ADGRG5: variants seen among roughly 807,000 people sequenced by gnomAD.
ADGRG5 encodes adhesion G protein-coupled receptor G5.
A neutral mutation model predicts 53.2 loss-of-function variants in ADGRG5; 37 were observed. That is an observed-to-expected ratio of 0.70 (90% CI 0.53 to 0.91). The LOEUF is 0.91. ADGRG5 is among the 40% of genes least tolerant of loss of function. ADGRG5 has a pLI of 0.00. For synonymous variants in ADGRG5, 277 were observed against 290.4 expected (o/e 0.95, Z 0.47); for missense variants, 614 against 675.8 (o/e 0.91, Z 1.01).
intron 7 of ADGRG5, 100 bp from the exon 8 acceptor site, chr16:57,567,370 A>G: frequency 7.4e-7 from 1 of 1,350,976 alleles, no homozygotes; most frequent in Non-Finnish European, 1.0e-6. Flanking sequence ...CTTGTGGGGA[A>G]GGGGACTTGG....
At chr16:57,546,764 G>C (rs1429625040) in intron 1 of ADGRG5, among the ~76,000 whole-genome samples, 1 of 152,076 alleles carries the variant, frequency 6.6e-6, no homozygotes, top group East Asian at 1.9e-4. Context: ...TGTCACCCAG[G>C]CTGGAGTGCA....
the ADGRG5 span, among the ~76,000 whole-genome samples, chr16:57,535,152 C>T: frequency 6.6e-6 from 1 of 152,222 alleles, no homozygotes. Context: ...TGAATAAGTG[C>T]AGGGCCCAAG....
At position 57,575,590 on chromosome 16, in the gene ADGRG5, A is replaced by G. The variant is rs779417035; in HGVS notation, c.*52A>G. 7.0e-7 allele frequency: 1 copy of G among 1,433,632 alleles called. No individual in the cohort carries two copies. Among genetic ancestry groups the G allele is most frequent in the East Asian group, 2.3e-5 (1 of 43,842 alleles). The allele number at this position is 1,433,632 out of a possible 1,614,324, so 88.8% of individuals were successfully genotyped here. ...AGCCTCTCTGGCCGCCAGTAGCCTG[A>G]GGCTACGGCTCCTGCTAGAGAGGGT... On this transcript the variant is annotated 3_prime_UTR_variant, in exon 12 of 12. Transcript: ENST00000349457.
chr16:57,537,029 T>C, the ADGRG5 span, among the ~76,000 whole-genome samples: 1 of 151,834 alleles, frequency 6.6e-6, no homozygotes, highest in Non-Finnish European at 1.5e-5. Flanking sequence ...CCATCGGGCC[T>C]CAGTTTCTCT....
At chr16:57,529,210 G>T in the ADGRG5 span, 1 of 1,159,474 alleles carries the variant, frequency 8.6e-7, no homozygotes, top group Non-Finnish European at 1.1e-6. The surrounding 1 kb of genome is among the most constrained non-coding windows in gnomAD (Gnocchi z 4.1). Context: ...GCTCGAACTC[G>T]CGGTCGGGCT....
At chr16:57,540,106 G>C (rs2032468061), upstream of ADGRG5, among the ~76,000 whole-genome samples, 1 of 152,068 alleles carries the variant, frequency 6.6e-6, no homozygotes, top group Non-Finnish European at 1.5e-5. Flanking sequence ...CGCTGGGCGT[G>C]GTGGTGTGCA....
chr16:57,565,011 C>T, intron 5 of ADGRG5, 23 bp from the exon 6 acceptor site: 3 of 1,468,140 alleles, frequency 2.0e-6, no homozygotes, highest in Non-Finnish European at 2.9e-6. Context: ...CTCCACTCAG[C>T]CCTTCTCCTG....
chr16:57,540,270 AAAG>A (rs1157942331), upstream of ADGRG5, among the ~76,000 whole-genome samples: 1 of 151,514 alleles, frequency 6.6e-6, no homozygotes, highest in Admixed American at 6.6e-5. Context: ...ACAAAAAACA[AAAG>A]AAACAGTTTA....
intron 5 of ADGRG5, among the ~76,000 whole-genome samples, chr16:57,564,495 T>A (rs1326537552): frequency 6.6e-6 from 1 of 152,054 alleles, no homozygotes; most frequent in Non-Finnish European, 1.5e-5. Context: ...AGAGACCGGG[T>A]TTAACCACGT....
the ADGRG5 span, among the ~76,000 whole-genome samples, chr16:57,536,040 C>T: frequency 4.6e-5 from 7 of 152,200 alleles, no homozygotes; most frequent in Non-Finnish European, 8.8e-5. Context: ...GTTCCCGGCC[C>T]GCGCCGCGCG....
At chr16:57,551,449 T>C (rs1463524586) in intron 1 of ADGRG5, among the ~76,000 whole-genome samples, 2 of 152,222 alleles carry the variant, frequency 1.3e-5, no homozygotes, top group African/African-American at 4.8e-5. Flanking sequence ...TTGTTGTCAT[T>C]TCCACAGTGT....
intron 1 of ADGRG5, among the ~76,000 whole-genome samples, chr16:57,556,595 C>A (rs1215301718): frequency 3.9e-5 from 6 of 152,206 alleles, no homozygotes; most frequent in African/African-American, 1.4e-4. Context: ...CCAAATACTT[C>A]CATTTCCTCT....
chr16:57,562,864 A>T (rs1295065085), intron 3 of ADGRG5, among the ~76,000 whole-genome samples: 1 of 152,124 alleles, frequency 6.6e-6, no homozygotes, highest in African/African-American at 2.4e-5. Context: ...GGCTTCCTGG[A>T]GGAGGTGACA....
chr16:57,575,738 G>C lies in ADGRG5; in HGVS notation c.*200G>C. On this transcript the variant is annotated 3_prime_UTR_variant, in exon 12 of 12. Transcript: ENST00000349457. ...TACCTCTCCCTGACATTTTGCTCCG[G>C]GGCAGATCCAACCTTACCTGGGGCA... 1.8e-6 allele frequency: 1 copy of C among 564,858 alleles called. No homozygotes were observed. The highest frequency in any genetic ancestry group is 3.2e-6 in the Non-Finnish European group (1 of 314,946). 35.0% of individuals were successfully genotyped at this position (564,858 alleles called of 1,614,324 possible).
At chr16:57,556,309 A>G (rs1304471218) in intron 1 of ADGRG5, among the ~76,000 whole-genome samples, 3 of 152,128 alleles carry the variant, frequency 2.0e-5, no homozygotes, top group African/African-American at 7.2e-5. Flanking sequence ...GCTTAATGTA[A>G]TTATTTATAT....
At chr16:57,544,836 C>T (rs1372532321) in intron 1 of ADGRG5, among the ~76,000 whole-genome samples, 4 of 152,056 alleles carry the variant, frequency 2.6e-5, no homozygotes, top group African/African-American at 4.8e-5. Flanking sequence ...TCACCCAGGC[C>T]GGAGTGCAGT....
upstream of ADGRG5, among the ~76,000 whole-genome samples, chr16:57,541,228 G>A (rs1251554084): frequency 6.6e-6 from 1 of 152,180 alleles, no homozygotes; most frequent in Non-Finnish European, 1.5e-5. Context: ...AGGCTAGAGG[G>A]GCTATGGGGT....
chr16:57,571,676 A>G (rs1452662514), intron 10 of ADGRG5, among the ~76,000 whole-genome samples: 14 of 129,896 alleles, frequency 1.1e-4, no homozygotes, highest in African/African-American at 4.1e-4. Flanking sequence ...TTTTTTTGAG[A>G]TGGAGTTTCG....
chr16:57,554,666 A>G (rs141987099), intron 1 of ADGRG5, among the ~76,000 whole-genome samples: 4,541 of 152,200 alleles, frequency 0.03, 201 homozygotes, highest in East Asian at 0.21. Context: ...GTGAGCCACC[A>G]CGCTCGGCCA....
Sources: allele counts gnomAD v4.1 joint callset (sites outside exome capture counted in the v4.1 genomes callset), GRCh38; gene constraint gnomAD v4.1.1; non-coding constraint Gnocchi (gnomAD v3.1); transcripts MANE v1.5; gene names NCBI Gene and HGNC (gene_info 2026-07-23, HGNC 2026-07-21).